LOC122513141: variants seen among roughly 807,000 people sequenced by gnomAD.
the LOC122513141 span, chr9:137,218,395 C>T: frequency 1.0e-5 from 4 of 398,232 alleles, no homozygotes; most frequent in Non-Finnish European, 1.3e-5. Flanking sequence ...TGGCAGGGCC[C>T]GTGGGCGGCC....
chr9:137,218,006 G>C, the LOC122513141 span: 2 of 399,124 alleles, frequency 5.0e-6, no homozygotes, highest in East Asian at 3.6e-5. Context: ...CATGGAGGGT[G>C]CCTGGGCCCT....
the LOC122513141 span, chr9:137,218,344 G>A: frequency 2.5e-6 from 1 of 398,036 alleles, no homozygotes; most frequent in Non-Finnish European, 4.4e-6. Context: ...GCAACCCTGG[G>A]CCCTGGGGCT....
the LOC122513141 span, chr9:137,217,540 G>A: frequency 3.8e-5 from 6 of 158,440 alleles, no homozygotes; most frequent in East Asian, 3.7e-4. Context: ...TCGGCGGGTC[G>A]CTGGCACAGG....
the LOC122513141 span, chr9:137,217,989 C>G: frequency 1.8e-5 from 7 of 398,890 alleles, no homozygotes; most frequent in Admixed American, 2.6e-4. Flanking sequence ...CTGCTGGGGG[C>G]CAAAGCCATG....
At chr9:137,218,782 C>T in the LOC122513141 span, 1 of 396,966 alleles carries the variant, frequency 2.5e-6, no homozygotes, top group East Asian at 3.6e-5. Context: ...TACCCAGAGG[C>T]CTGACCCTGC....
At chr9:137,218,394 C>T in the LOC122513141 span, 1 of 398,582 alleles carries the variant, frequency 2.5e-6, no homozygotes, top group African/African-American at 2.1e-5. Flanking sequence ...CTGGCAGGGC[C>T]CGTGGGCGGC....
At chr9:137,218,557 G>A in the LOC122513141 span, 7 of 399,970 alleles carry the variant, frequency 1.8e-5, no homozygotes, top group Non-Finnish European at 3.1e-5. Context: ...CGCCGCTCCT[G>A]CTGCTGGGAC....
chr9:137,218,399 G>A, the LOC122513141 span: 9 of 398,476 alleles, frequency 2.3e-5, no homozygotes, highest in Admixed American at 2.6e-4. Flanking sequence ...AGGGCCCGTG[G>A]GCGGCCGGGG....
chr9:137,218,847 C>T, the LOC122513141 span: 5 of 388,676 alleles, frequency 1.3e-5, no homozygotes, highest in East Asian at 7.3e-5. Context: ...AGGACACCAG[C>T]GCCCAAGGAC....
chr9:137,218,407 G>C, the LOC122513141 span: 1 of 398,358 alleles, frequency 2.5e-6, no homozygotes, highest in East Asian at 3.6e-5. Context: ...TGGGCGGCCG[G>C]GGCTGCCTGC....
At chr9:137,217,698 A>T in the LOC122513141 span, 1 of 319,360 alleles carries the variant, frequency 3.1e-6, no homozygotes. Context: ...GGTCAGTGCC[A>T]GAGCTCTGGT....
At chr9:137,218,133 G>C in the LOC122513141 span, 2 of 397,854 alleles carry the variant, frequency 5.0e-6, no homozygotes, top group Non-Finnish European at 8.9e-6. Flanking sequence ...CTGCTGAACT[G>C]TAGCCACGGC....
the LOC122513141 span, chr9:137,217,945 C>T: frequency 5.3e-5 from 21 of 398,566 alleles, no homozygotes; most frequent in East Asian, 2.5e-4. Flanking sequence ...ACCTTGGGCA[C>T]CCCCAAGGTG....
the LOC122513141 span, chr9:137,217,710 G>A: frequency 2.9e-6 from 1 of 344,894 alleles, no homozygotes; most frequent in Admixed American, 4.8e-5. Context: ...AGCTCTGGTG[G>A]AGCCCAGACC....
chr9:137,219,255 C>G, the LOC122513141 span: 7 of 152,286 alleles, frequency 4.6e-5, no homozygotes, highest in African/African-American at 1.7e-4. Flanking sequence ...TGCCCCTGCA[C>G]ACCCTCATGT....
At chr9:137,217,948 C>G in the LOC122513141 span, 2 of 398,654 alleles carry the variant, frequency 5.0e-6, no homozygotes, top group Non-Finnish European at 8.8e-6. Flanking sequence ...TTGGGCACCC[C>G]CAAGGTGCTG....
At chr9:137,218,970 C>T in the LOC122513141 span, 2 of 229,038 alleles carry the variant, frequency 8.7e-6, no homozygotes, top group Non-Finnish European at 1.7e-5. Context: ...ACTTCCCCTC[C>T]GAGGGCCAGC....
chr9:137,218,111 C>T, the LOC122513141 span: 4 of 398,676 alleles, frequency 1.0e-5, no homozygotes, highest in Admixed American at 4.4e-5. Context: ...GCCCAGAGAG[C>T]GCCGCCTGGC....
chr9:137,218,034 AG>A, the LOC122513141 span: 1 of 399,146 alleles, frequency 2.5e-6, no homozygotes, highest in Admixed American at 4.4e-5. Flanking sequence ...TGGAAGGAGG[AG>A]GGGAGAGAGC....
Sources: allele counts gnomAD v4.1 joint callset, GRCh38; gene constraint gnomAD v4.1.1; transcripts MANE v1.5.